The following CDYL2 variants were observed in gnomAD, a reference collection of about 807,000 sequenced individuals.
The protein encoded by CDYL2 is chromodomain Y-like protein 2.
A neutral mutation model predicts 49.4 loss-of-function variants in CDYL2; 23 were observed. The observed-to-expected ratio is 0.47, with a 90% CI of 0.34 to 0.66. CDYL2 has a LOEUF of 0.66. Among genes scored for constraint, CDYL2 ranks in the 30% least tolerant of loss-of-function variants. The pLI is 0.01. For missense variants in CDYL2, 678 were observed against 656.4 expected (o/e 1.03, Z -0.36); for synonymous variants, 360 against 268.8 (o/e 1.34, Z -3.32).
intron 1 of CDYL2, among the ~76,000 whole-genome samples, chr16:80,711,718 C>T (rs1295139570): frequency 6.6e-6 from 1 of 152,030 alleles, no homozygotes; most frequent in African/African-American, 2.4e-5. Context: ...GAAAAGGCAA[C>T]ACACCTGGCC....
At chr16:80,751,618 A>T (rs913691088) in intron 1 of CDYL2, among the ~76,000 whole-genome samples, 2 of 152,252 alleles carry the variant, frequency 1.3e-5, no homozygotes, top group African/African-American at 2.4e-5. Flanking sequence ...TTTTTCCTTC[A>T]AAGTGCTCAA....
chr16:80,671,721 G>A (rs890456792), intron 2 of CDYL2, among the ~76,000 whole-genome samples: 1 of 152,204 alleles, frequency 6.6e-6, no homozygotes, highest in African/African-American at 2.4e-5. Flanking sequence ...GGCTCCTCTT[G>A]TTCCCCTTAA....
chr16:80,713,725 G>C (rs576543746), intron 1 of CDYL2, among the ~76,000 whole-genome samples: 6 of 152,166 alleles, frequency 3.9e-5, no homozygotes, highest in South Asian at 4.1e-4. Flanking sequence ...AGACTGTCGT[G>C]GCCATAGGGA....
intron 1 of CDYL2, among the ~76,000 whole-genome samples, chr16:80,759,881 A>ATTTTTTC (rs3833038): frequency 0.2 from 31,091 of 151,856 alleles, 4,160 homozygotes; most frequent in African/African-American, 0.39. Flanking sequence ...CTTGAACTGT[A>ATTTTTTC]TTTTTTTGAG....
rs1449039979 is a variant in CDYL2, at chr16:80,599,690, G to T, written c.*4698C>A. ...GGGAGTGCTGACCTTACCCAGAATG[G>T]ACGTTTCCAAGTCATCGACAAGGAA... On this transcript the variant is annotated 3_prime_UTR_variant, in exon 7 of 7. Transcript: ENST00000570137. 6.6e-6 allele frequency: 1 copy of T among 152,154 alleles called. No homozygotes were observed. Among genetic ancestry groups the T allele is most frequent in the African/African-American group, 2.4e-5 (1 of 41,428 alleles). The allele number at this position is 152,154 out of a possible 1,614,324, so 9.4% of individuals were successfully genotyped here.
At chr16:80,789,576 G>A (rs1907544364) in intron 1 of CDYL2, among the ~76,000 whole-genome samples, 1 of 151,844 alleles carries the variant, frequency 6.6e-6, no homozygotes, top group African/African-American at 2.4e-5. Context: ...CTCCAGCCTG[G>A]GCAACAGAGT....
At chr16:80,708,174 C>A (rs1597090295) in intron 1 of CDYL2, among the ~76,000 whole-genome samples, 1 of 152,136 alleles carries the variant, frequency 6.6e-6, no homozygotes, top group East Asian at 1.9e-4. Flanking sequence ...GACGTCAAAT[C>A]CATTATCTTG....
intron 2 of CDYL2, among the ~76,000 whole-genome samples, chr16:80,655,171 C>A (rs1788884091): frequency 6.6e-6 from 1 of 152,170 alleles, no homozygotes; most frequent in Non-Finnish European, 1.5e-5. Flanking sequence ...ATTGAACAGT[C>A]TTATACATTT....
chr16:80,657,839 T>C (rs751240378), intron 2 of CDYL2, among the ~76,000 whole-genome samples: 13 of 152,102 alleles, frequency 8.5e-5, no homozygotes, highest in Non-Finnish European at 1.5e-4. Context: ...GGTACAAATA[T>C]ATATATGCAT....
intron 2 of CDYL2, among the ~76,000 whole-genome samples, chr16:80,642,101 A>G (rs188739951): frequency 7.9e-5 from 12 of 152,290 alleles, no homozygotes; most frequent in Admixed American, 2.6e-4. Flanking sequence ...AATAAGATAT[A>G]AATAGAAACA....
At chr16:80,707,239 G>T (rs984653841) in intron 1 of CDYL2, among the ~76,000 whole-genome samples, 17 of 152,180 alleles carry the variant, frequency 1.1e-4, no homozygotes, top group African/African-American at 4.1e-4. Flanking sequence ...AAGATGACAG[G>T]ACTGCTTGAG....
chr16:80,681,966 T>G (rs1487876092), intron 2 of CDYL2, among the ~76,000 whole-genome samples: 2 of 152,176 alleles, frequency 1.3e-5, no homozygotes, highest in Non-Finnish European at 2.9e-5. Context: ...GATGTGAAAC[T>G]TCAAGGTCCC....
At chr16:80,628,181 T>C (rs550901640) in intron 3 of CDYL2, 5 of 152,280 alleles carry the variant, frequency 3.3e-5, no homozygotes, top group Non-Finnish European at 7.3e-5. Flanking sequence ...AACTCCCTTG[T>C]AGAATGTGCA....
intron 3 of CDYL2, among the ~76,000 whole-genome samples, chr16:80,622,132 A>G (rs1907110147): frequency 6.6e-6 from 1 of 152,140 alleles, no homozygotes; most frequent in Non-Finnish European, 1.5e-5. Context: ...TGACACTGCA[A>G]ATTCCCACTA....
chr16:80,660,302 T>C (rs1246177654), intron 2 of CDYL2, among the ~76,000 whole-genome samples: 2 of 152,152 alleles, frequency 1.3e-5, no homozygotes, highest in East Asian at 3.9e-4. Context: ...TGTTTAATAA[T>C]GTTGGGTGTA....
chr16:80,624,856 C>T (rs1419973234), intron 3 of CDYL2, among the ~76,000 whole-genome samples: 5 of 152,054 alleles, frequency 3.3e-5, no homozygotes, highest in Admixed American at 3.3e-4. Flanking sequence ...CTAAAGGGAG[C>T]ATAAAGTAAC....
intron 4 of CDYL2, among the ~76,000 whole-genome samples, chr16:80,615,770 C>T (rs566072258): frequency 6.6e-6 from 1 of 152,274 alleles, no homozygotes; most frequent in Admixed American, 6.5e-5. Flanking sequence ...TCTGACCCTC[C>T]GCCCCAGCCC....
At chr16:80,609,228 G>C (rs1906485117) in intron 5 of CDYL2, among the ~76,000 whole-genome samples, 2 of 152,238 alleles carry the variant, frequency 1.3e-5, no homozygotes, top group Admixed American at 1.3e-4. Flanking sequence ...AGCTGCAACT[G>C]ACAGACAGTG....
At chr16:80,653,038 T>C (rs1412655140) in intron 2 of CDYL2, among the ~76,000 whole-genome samples, 2 of 152,210 alleles carry the variant, frequency 1.3e-5, no homozygotes, top group Admixed American at 1.3e-4. Context: ...AATACTTGAA[T>C]ACCGGTTCAC....
Sources: gnomAD v4.1 joint callset for allele counts (sites outside exome capture counted in the v4.1 genomes callset) on GRCh38, gnomAD v4.1.1 for gene constraint, MANE v1.5 for transcripts, NCBI Gene and HGNC (gene_info 2026-07-23, HGNC 2026-07-21) for gene names.